CRYL1: variants seen among roughly 807,000 people sequenced by gnomAD.
CRYL1 encodes the protein lambda-crystallin homolog.
In CRYL1, 29 loss-of-function variants were observed where a neutral mutation model predicts 36.6. The ratio of observed to expected loss-of-function variants is 0.79; its 90% CI spans 0.59 to 1.08. CRYL1 has a LOEUF of 1.08. CRYL1 is among the 50% of genes least tolerant of loss of function. The pLI, the probability that CRYL1 is intolerant of heterozygous loss-of-function variation, is 0.00. For missense variants in CRYL1, 411 were observed against 407.9 expected (o/e 1.01, Z -0.06); for synonymous variants, 152 against 151.5 (o/e 1.00, Z -0.02).
chr13:20,492,000 A>G (rs1222376944), intron 2 of CRYL1, among the ~76,000 whole-genome samples: 1 of 152,186 alleles, frequency 6.6e-6, no homozygotes. Flanking sequence ...TTGAAACATC[A>G]TGGAGGGAAA....
chr13:20,451,149 T>C (rs896039725), intron 3 of CRYL1, among the ~76,000 whole-genome samples: 16 of 152,052 alleles, frequency 1.1e-4, no homozygotes, highest in Non-Finnish European at 1.3e-4. Context: ...ACATGGCACA[T>C]GTATACATAT....
intron 2 of CRYL1, among the ~76,000 whole-genome samples, chr13:20,511,440 G>A (rs988192660): frequency 6.6e-6 from 1 of 152,054 alleles, no homozygotes; most frequent in Admixed American, 6.6e-5. Context: ...TTGACTATTT[G>A]TAACAACATG....
intron 6 of CRYL1, among the ~76,000 whole-genome samples, chr13:20,408,680 T>G (rs867384188): frequency 1.3e-4 from 20 of 152,312 alleles, no homozygotes; most frequent in African/African-American, 4.6e-4. Flanking sequence ...AAGGAGATTT[T>G]GGCCTGCATT....
intron 2 of CRYL1, among the ~76,000 whole-genome samples, chr13:20,495,292 T>C (rs926346537): frequency 4.6e-5 from 7 of 152,188 alleles, no homozygotes; most frequent in Non-Finnish European, 1.0e-4. Context: ...AGTAGAAGGC[T>C]GCAATGTGCC....
chr13:20,504,550 C>T (rs896194176), intron 2 of CRYL1, among the ~76,000 whole-genome samples: 5 of 152,104 alleles, frequency 3.3e-5, no homozygotes, highest in African/African-American at 7.2e-5. Context: ...AGGTGATCCA[C>T]CTGCCTTGGC....
intron 2 of CRYL1, among the ~76,000 whole-genome samples, chr13:20,499,659 A>C (rs4065066): frequency 0.87 from 132,036 of 151,578 alleles, 60,118 homozygotes; most frequent in East Asian, 1. Flanking sequence ...CACACACACA[A>C]AAAAAAATGT....
chr13:20,457,045 G>A (rs1446287442), intron 3 of CRYL1, among the ~76,000 whole-genome samples: 1 of 152,134 alleles, frequency 6.6e-6, no homozygotes, highest in Non-Finnish European at 1.5e-5. Context: ...CCAGCTCAAG[G>A]ATTCCAGCTT....
intron 3 of CRYL1, among the ~76,000 whole-genome samples, chr13:20,472,807 C>A (rs190968137): frequency 3.4e-4 from 52 of 152,312 alleles, no homozygotes; most frequent in African/African-American, 1.2e-3. Context: ...ACAGCTGGAA[C>A]AACACATGGA....
chr13:20,458,505 C>T (rs2032734543), intron 3 of CRYL1, among the ~76,000 whole-genome samples: 1 of 152,058 alleles, frequency 6.6e-6, no homozygotes, highest in Non-Finnish European at 1.5e-5. Context: ...CTAGTGGCCG[C>T]ATTAAAAAAG....
chr13:20,477,470 A>G (rs1482768226), intron 3 of CRYL1, among the ~76,000 whole-genome samples: 1 of 150,934 alleles, frequency 6.6e-6, no homozygotes, highest in East Asian at 1.9e-4. Context: ...GGGGTTGGAG[A>G]GCGGGCATGG....
At chr13:20,464,760 A>G (rs2032898671) in intron 3 of CRYL1, among the ~76,000 whole-genome samples, 1 of 152,134 alleles carries the variant, frequency 6.6e-6, no homozygotes, top group Non-Finnish European at 1.5e-5. Flanking sequence ...GACTTTGTTC[A>G]TTGCATCTGC....
At chr13:20,483,291 C>A (rs73163205) in intron 3 of CRYL1, among the ~76,000 whole-genome samples, 1 of 152,010 alleles carries the variant, frequency 6.6e-6, no homozygotes, top group African/African-American at 2.4e-5. Context: ...ACACATGAAT[C>A]CCAAATATGT....
Position 20,415,478 on chromosome 13 carries a change from A to G in CRYL1, c.634-2091T>C, listed in dbSNP as rs370058794. ...GCAGAGAGCGCGGCGGTGAAGCGGG[A>G]GCAGGCGGCCTGGCCCAGGAGCCAG... is the stretch of plus-strand genomic sequence containing the variant. On this transcript the variant is annotated intron_variant, in intron 5 of 7. Coordinates refer to ENST00000298248, the MANE Select transcript of CRYL1 (RefSeq NM_015974.3). The surrounding 1 kb of genome is among the most constrained non-coding windows in gnomAD (Gnocchi z 4.1). Among the ~76,000 whole-genome samples the G allele has an allele frequency of 0.013, 1,956 of 152,252 alleles. 37 individuals are homozygous for G. Among genetic ancestry groups the G allele is most frequent in the African/African-American group, 0.044 (1,830 of 41,550 alleles).
At chr13:20,458,710 A>G (rs1158273985) in intron 3 of CRYL1, among the ~76,000 whole-genome samples, 1 of 152,210 alleles carries the variant, frequency 6.6e-6, no homozygotes, top group East Asian at 1.9e-4. Context: ...TCACATTTCA[A>G]GTGCTCAAAA....
intron 6 of CRYL1, among the ~76,000 whole-genome samples, chr13:20,412,785 T>C (rs2031557368): frequency 6.6e-6 from 1 of 152,178 alleles, no homozygotes; most frequent in African/African-American, 2.4e-5. Context: ...CCCACCCATA[T>C]GCCCCTCCTC....
At chr13:20,409,849 G>C (rs2137363084) in intron 6 of CRYL1, among the ~76,000 whole-genome samples, 1 of 152,262 alleles carries the variant, frequency 6.6e-6, no homozygotes, top group East Asian at 1.9e-4. Flanking sequence ...TCTCACACCA[G>C]TTAGAATGGC....
chr13:20,417,358 T>C (rs2031696080), intron 5 of CRYL1, among the ~76,000 whole-genome samples: 1 of 152,176 alleles, frequency 6.6e-6, no homozygotes, highest in Admixed American at 6.5e-5. Flanking sequence ...GTGCTTGTGT[T>C]GAAACAGGGA....
chr13:20,509,654 T>C (rs2033877973), intron 2 of CRYL1, among the ~76,000 whole-genome samples: 1 of 152,072 alleles, frequency 6.6e-6, no homozygotes, highest in African/African-American at 2.4e-5. Flanking sequence ...TAGGCCAGGC[T>C]TGGTGGCTCA....
intron 1 of CRYL1, among the ~76,000 whole-genome samples, chr13:20,523,078 G>A (rs964680198): frequency 4.0e-5 from 6 of 151,742 alleles, no homozygotes; most frequent in Non-Finnish European, 7.4e-5. Flanking sequence ...CACCACGCCC[G>A]GCTAATTTTT....
Sources: allele counts gnomAD v4.1 joint callset (sites outside exome capture counted in the v4.1 genomes callset), GRCh38; gene constraint gnomAD v4.1.1; non-coding constraint Gnocchi (gnomAD v3.1); transcripts MANE v1.5; gene names NCBI Gene and HGNC (gene_info 2026-07-23, HGNC 2026-07-21).